PRICKLE2: variants seen among roughly 807,000 people sequenced by gnomAD.
The protein encoded by PRICKLE2 is prickle planar cell polarity protein 2, also known as prickle-like protein 2.
PRICKLE2 carries 21 observed loss-of-function variants against 81.4 expected under a neutral mutation model. The observed-to-expected ratio is 0.26, with a 90% CI of 0.18 to 0.37. PRICKLE2 has a LOEUF of 0.37. Ranked by LOEUF, PRICKLE2 falls within the 10% of genes least tolerant of loss-of-function variation. PRICKLE2 has a pLI of 1.00. For synonymous variants in PRICKLE2, 456 were observed against 421.5 expected (o/e 1.08, Z -1.00); for missense variants, 940 against 1,109.0 (o/e 0.85, Z 2.16).
chr3:64,221,744 G>C (rs934490150), intron 1 of PRICKLE2, among the ~76,000 whole-genome samples: 4 of 152,156 alleles, frequency 2.6e-5, no homozygotes, highest in African/African-American at 9.7e-5. Flanking sequence ...CTGAGGGACA[G>C]AGCCTTTTGA....
At chr3:64,166,195 G>A (rs1466538785) in intron 2 of PRICKLE2, among the ~76,000 whole-genome samples, 1 of 152,036 alleles carries the variant, frequency 6.6e-6, no homozygotes, top group Non-Finnish European at 1.5e-5. Flanking sequence ...AAAGGTTAAG[G>A]TTTCCCACAG....
chr3:64,198,604 G>C, intron 2 of PRICKLE2, 180 bp downstream of exon 2: 3 of 685,574 alleles, frequency 4.4e-6, no homozygotes, highest in Non-Finnish European at 7.9e-6. Context: ...ATCACTCCTG[G>C]CTCAATTTCA....
intron 2 of PRICKLE2, among the ~76,000 whole-genome samples, chr3:64,264,067 A>T (rs704414): frequency 6.6e-6 from 1 of 151,380 alleles, no homozygotes; most frequent in Non-Finnish European, 1.5e-5. Context: ...CCCCCACTCC[A>T]CAACCCGCCA....
chr3:64,186,652 C>T (rs1189366762), intron 2 of PRICKLE2, among the ~76,000 whole-genome samples: 4 of 152,216 alleles, frequency 2.6e-5, no homozygotes, highest in Admixed American at 2.6e-4. Context: ...CCTATACTAA[C>T]AGCTTGCACA....
chr3:64,193,662 C>T (rs1196151106), intron 2 of PRICKLE2, among the ~76,000 whole-genome samples: 1 of 152,136 alleles, frequency 6.6e-6, no homozygotes, highest in Non-Finnish European at 1.5e-5. Flanking sequence ...CAAATCTCAT[C>T]CTGCATTCCC....
intron 1 of PRICKLE2, among the ~76,000 whole-genome samples, chr3:64,211,528 T>C (rs945832743): frequency 6.6e-6 from 1 of 152,126 alleles, no homozygotes; most frequent in Non-Finnish European, 1.5e-5. Flanking sequence ...TCAACAAAAA[T>C]GATATGTGTA....
chr3:64,239,947 G>A (rs557982753), intron 2 of PRICKLE2, among the ~76,000 whole-genome samples: 79 of 80,340 alleles, frequency 9.8e-4, no homozygotes, highest in Non-Finnish European at 1.6e-3. Flanking sequence ...AAACCCCATC[G>A]CTACCAAAAA....
intron 7 of PRICKLE2, among the ~76,000 whole-genome samples, chr3:64,107,362 A>G (rs1382323589): frequency 2.0e-5 from 3 of 152,214 alleles, no homozygotes; most frequent in African/African-American, 4.8e-5. Context: ...TGGAACGGAA[A>G]GAAAATATTT....
chr3:64,166,968 C>T (rs2077844405), intron 2 of PRICKLE2, among the ~76,000 whole-genome samples: 1 of 152,210 alleles, frequency 6.6e-6, no homozygotes, highest in Non-Finnish European at 1.5e-5. Context: ...GAGGGAGAAA[C>T]AGCTCTCCTG....
rs183124749 is a variant in PRICKLE2, at chr3:64,244,470, C to T, written c.129-45503G>A. 7.9e-5 allele frequency among the ~76,000 whole-genome samples: 12 copies of T among 152,270 alleles called. No individual in the cohort carries two copies. The East Asian group carries it at 2.3e-3, about 29-fold the overall frequency. On this transcript the variant is annotated intron_variant, in intron 2 of 8. Transcript: ENST00000295902. ...ACCAAGTCATATTTAGGAAGGAGCT[C>T]TCCCTGGCCAGGGCTGATTTTCAAT...
At chr3:64,185,098 G>C (rs1417286402) in intron 2 of PRICKLE2, among the ~76,000 whole-genome samples, 1 of 152,182 alleles carries the variant, frequency 6.6e-6, no homozygotes, top group African/African-American at 2.4e-5. Flanking sequence ...GTTAGATATT[G>C]TCCTTGGGAA....
At chr3:64,179,634 C>T (rs2078091746) in intron 2 of PRICKLE2, among the ~76,000 whole-genome samples, 1 of 152,106 alleles carries the variant, frequency 6.6e-6, no homozygotes, top group South Asian at 2.1e-4. Context: ...TCAGTGTATG[C>T]CTGTTAATGA....
At chr3:64,230,956 C>A (rs1344416771) in intron 2 of PRICKLE2, among the ~76,000 whole-genome samples, 2 of 152,192 alleles carry the variant, frequency 1.3e-5, no homozygotes, top group African/African-American at 4.8e-5. Context: ...CAAGCACCCC[C>A]TCAAGCCTTC....
intron 2 of PRICKLE2, among the ~76,000 whole-genome samples, chr3:64,241,645 T>C (rs563671186): frequency 6.6e-4 from 101 of 152,306 alleles, no homozygotes; most frequent in Non-Finnish European, 1.1e-3. Context: ...CCACAGCTCT[T>C]GATCTGTCCT....
intron 1 of PRICKLE2, among the ~76,000 whole-genome samples, chr3:64,221,457 ACG>A (rs947209629): frequency 1.2e-4 from 18 of 146,754 alleles, no homozygotes; most frequent in East Asian, 4.0e-4. Flanking sequence ...ACACACACAC[ACG>A]CACACACACA....
rs772835164 is a variant in PRICKLE2 at position 64,099,189 on chromosome 3, C to T, written c.2397G>A (p.Ala799=). ...YFLGEPIPQP[A]RLRYVTSDEL... is the part of the protein sequence containing the mutation. ...CATCGCTTGTGACGTATCGCAGGCG[C>T]GCTGGCTGGGGGATGGGTTCTCCTA... The change falls in exon 8 of 8, where the codon GCG becomes GCA. Residue 799 remains alanine (A), a synonymous_variant. Coordinates refer to ENST00000638394, the MANE Select transcript of PRICKLE2 (RefSeq NM_198859.4). This position sits in a 1 kb window ranked among gnomAD's most constrained non-coding sequence, Gnocchi z 4.3. 1 of 1,614,210 alleles carries T rather than the reference C, an allele frequency of 6.2e-7. No homozygotes were observed. The highest frequency in any genetic ancestry group is 8.5e-7 in the Non-Finnish European group (1 of 1,180,036).
intron 2 of PRICKLE2, among the ~76,000 whole-genome samples, chr3:64,261,108 A>G (rs576251924): frequency 7.9e-5 from 12 of 152,140 alleles, no homozygotes; most frequent in Middle Eastern, 3.2e-3. Context: ...GGGTTTACAG[A>G]CCTCCACAAG....
In PRICKLE2 at chr3:64,258,845, A is replaced by AAAAGAAAGAAAGAAAGAAAGAAAG. The variant is rs572884974; in HGVS notation, c.129-59902_129-59879dup. Among the ~76,000 whole-genome samples, 324 of 33,932 alleles carry AAAAGAAAGAAAGAAAGAAAGAAAG rather than the reference A, an allele frequency of 9.5e-3. 7 individuals carry two copies. Among genetic ancestry groups the AAAAGAAAGAAAGAAAGAAAGAAAG allele is most frequent in the East Asian group, 0.011 (17 of 1,530 alleles). The allele number at this position is 33,932 out of a possible 152,430, so 22.3% of individuals were successfully genotyped here. On this transcript the variant is annotated intron_variant, in intron 2 of 8. Transcript: ENST00000295902. ...TCTCAAAAAAAAAAAAAAAAAAAAAAAAAGAAAGAAAGAAAGAAAGAAAGA... is the reference window on the plus strand; with the variant it reads ...TCTCAAAAAAAAAAAAAAAAAAAAAAAAAGAAAGAAAGAAAGAAAGAAAGAAAGAAAGAAAGAAAGAAAGAAAGA...
intron 2 of PRICKLE2, among the ~76,000 whole-genome samples, chr3:64,251,657 A>C (rs2079448785): frequency 6.6e-6 from 1 of 152,178 alleles, no homozygotes; most frequent in South Asian, 2.1e-4. Flanking sequence ...CAGACATCAG[A>C]GTTTGGGGCT....
Sources: allele counts gnomAD v4.1 joint callset (sites outside exome capture counted in the v4.1 genomes callset), GRCh38; gene constraint gnomAD v4.1.1; non-coding constraint Gnocchi (gnomAD v3.1); transcripts MANE v1.5; gene names NCBI Gene and HGNC (gene_info 2026-07-23, HGNC 2026-07-21).